Variants in PHF21A observed in about 807,000 individuals in gnomAD.
The protein encoded by PHF21A is PHD finger protein 21A.
PHF21A carries 11 observed loss-of-function variants against 82.5 expected under a neutral mutation model. The observed-to-expected ratio is 0.13, with a 90% CI of 0.08 to 0.22. PHF21A has a LOEUF of 0.22. Ranked by LOEUF, PHF21A falls within the 10% of genes least tolerant of loss-of-function variation. PHF21A has a pLI of 1.00. For synonymous variants in PHF21A, 297 were observed against 302.8 expected (o/e 0.98, Z 0.20); for missense variants, 579 against 837.8 (o/e 0.69, Z 3.81).
intron 4 of PHF21A, among the ~76,000 whole-genome samples, chr11:46,079,613 A>G (rs1287918469): frequency 6.6e-6 from 1 of 152,202 alleles, no homozygotes; most frequent in Non-Finnish European, 1.5e-5. Context: ...CCACAGAAGG[A>G]GCTTAGTGTC....
At chr11:46,017,256 C>T (rs1565558727) in intron 6 of PHF21A, among the ~76,000 whole-genome samples, 1 of 152,212 alleles carries the variant, frequency 6.6e-6, no homozygotes, top group African/African-American at 2.4e-5. Flanking sequence ...CAGGCGTGAG[C>T]CACCACGCCC....
chr11:45,963,434 A>AAAAAAG (rs1555012012), intron 10 of PHF21A, among the ~76,000 whole-genome samples: 1 of 151,466 alleles, frequency 6.6e-6, no homozygotes, highest in African/African-American at 2.4e-5. Flanking sequence ...AAAAAAAAAA[A>AAAAAAG]AAAAGAAAAG....
intron 6 of PHF21A, among the ~76,000 whole-genome samples, chr11:46,063,468 T>C (rs370209813): frequency 2.6e-5 from 4 of 152,216 alleles, no homozygotes; most frequent in Non-Finnish European, 4.4e-5. Flanking sequence ...CAGTCAGTCA[T>C]AGAGAATATG....
At chr11:45,981,250 G>A (rs560373918) in intron 6 of PHF21A, among the ~76,000 whole-genome samples, 119 of 151,906 alleles carry the variant, frequency 7.8e-4, no homozygotes, top group African/African-American at 2.8e-3. Context: ...GCCAAGCATG[G>A]TGGCACACAC....
intron 1 of PHF21A, among the ~76,000 whole-genome samples, chr11:46,103,745 C>T (rs2097124605): frequency 1.3e-5 from 2 of 152,084 alleles, no homozygotes; most frequent in South Asian, 4.1e-4. Context: ...TTTGTTGAAT[C>T]ACAGAAAAAA....
At chr11:46,084,968 C>T (rs1396297339) in intron 3 of PHF21A, among the ~76,000 whole-genome samples, 1 of 152,104 alleles carries the variant, frequency 6.6e-6, no homozygotes, top group African/African-American at 2.4e-5. Context: ...GCGTGAGCCA[C>T]TGCGCTGAGC....
rs183041770 is a variant in PHF21A, at chr11:45,998,403, T to A, written c.154-18437A>T. 2.0e-4 allele frequency among the ~76,000 whole-genome samples: 31 copies of A among 152,292 alleles called. No individual in the cohort carries two copies. The East Asian group carries it at 5.4e-3, about 27-fold the overall frequency. The stretch of plus-strand genomic sequence containing the variant: ...ATATTAAATGAATATGCCTACTGAG[T>A]ATATAGTATTGTAACAGATGTAGTA... On this transcript the variant is annotated intron_variant, in intron 6 of 18. Coordinates refer to ENST00000676320, the MANE Select transcript of PHF21A (RefSeq NM_001352027.3).
intron 10 of PHF21A, among the ~76,000 whole-genome samples, chr11:45,957,752 A>C (rs1591233600): frequency 1.6e-5 from 1 of 62,082 alleles, no homozygotes. Context: ...AATTCAAAGC[A>C]AAAAAAAAAA....
chr11:46,079,905 G>T (rs1365878018), intron 4 of PHF21A, among the ~76,000 whole-genome samples: 2 of 151,860 alleles, frequency 1.3e-5, no homozygotes, highest in African/African-American at 4.8e-5. Context: ...GGAAAGGAAA[G>T]GAAGAAAAAT....
chr11:46,091,975 G>A (rs57321515), intron 2 of PHF21A, among the ~76,000 whole-genome samples: 4,568 of 152,236 alleles, frequency 0.03, 227 homozygotes, highest in African/African-American at 0.1. Context: ...GGAACATGCA[G>A]GCCTAGCTGT....
At chr11:46,076,904 C>T in intron 5 of PHF21A, 85 bp from the exon 6 acceptor site, 2 of 1,072,928 alleles carry the variant, frequency 1.9e-6, no homozygotes, top group Non-Finnish European at 2.9e-6. Context: ...TACTGCATTA[C>T]AAATGATGAA....
intron 6 of PHF21A, among the ~76,000 whole-genome samples, chr11:46,037,934 T>C (rs1419899867): frequency 6.6e-6 from 1 of 152,032 alleles, no homozygotes; most frequent in East Asian, 1.9e-4. Context: ...GCTCCTACTA[T>C]AAAATTTTAA....
intron 6 of PHF21A, among the ~76,000 whole-genome samples, chr11:46,019,073 CCTAAT>C: frequency 6.6e-6 from 1 of 151,810 alleles, no homozygotes; most frequent in Non-Finnish European, 1.5e-5. Context: ...ATTCTGGAAG[CCTAAT>C]CTAATTTTTT....
intron 14 of PHF21A, among the ~76,000 whole-genome samples, chr11:45,946,750 A>G (rs907613521): frequency 2.6e-5 from 4 of 152,180 alleles, no homozygotes; most frequent in African/African-American, 7.2e-5. Flanking sequence ...CAATACTTTA[A>G]TGATTCTCAG....
intron 4 of PHF21A, among the ~76,000 whole-genome samples, chr11:46,082,243 C>T (rs575634713): frequency 1.3e-5 from 2 of 152,284 alleles, no homozygotes; most frequent in South Asian, 4.1e-4. Context: ...ATCCAGTAAG[C>T]TCAATTTCAG....
In PHF21A at chr11:45,938,148, C is replaced by A. The variant is rs749416748; in HGVS notation, c.1608+9G>T. The A allele has an allele frequency of 6.4e-7, 1 of 1,573,646 alleles. No individual in the cohort carries two copies. The highest frequency in any genetic ancestry group is 2.3e-5 in the East Asian group (1 of 43,326). On this transcript the variant is annotated intron_variant, in intron 16 of 18. Coordinates refer to ENST00000676320, the MANE Select transcript of PHF21A (RefSeq NM_001352027.3). The stretch of plus-strand genomic sequence containing the variant: ...TCGGCCCCTCCCCTGTTGGACCCAC[C>A]CACAGTACCTGGTCCTGACATCTGG...
chr11:46,031,103 T>C (rs1454037209), intron 6 of PHF21A, among the ~76,000 whole-genome samples: 2 of 152,188 alleles, frequency 1.3e-5, no homozygotes, highest in Non-Finnish European at 2.9e-5. Context: ...GTGCTATACA[T>C]TTTTAGCCAC....
chr11:46,028,909 G>C (rs2095808795), intron 6 of PHF21A, among the ~76,000 whole-genome samples: 1 of 152,098 alleles, frequency 6.6e-6, no homozygotes, highest in Non-Finnish European at 1.5e-5. Flanking sequence ...TTTTTTATTT[G>C]CTTCAATGTG....
At chr11:46,051,177 T>G (rs1441354123) in intron 6 of PHF21A, among the ~76,000 whole-genome samples, 2 of 152,176 alleles carry the variant, frequency 1.3e-5, no homozygotes, top group Non-Finnish European at 2.9e-5. Context: ...ACCTTTCAAG[T>G]TTTAATTCTT....
Sources: gnomAD v4.1 joint callset for allele counts (sites outside exome capture counted in the v4.1 genomes callset) on GRCh38, gnomAD v4.1.1 for gene constraint, MANE v1.5 for transcripts, NCBI Gene and HGNC (gene_info 2026-07-23, HGNC 2026-07-21) for gene names.